The following FOXK1 variants were observed in gnomAD, a reference collection of about 807,000 sequenced individuals.
FOXK1 encodes forkhead box protein K1.
FOXK1 carries 19 observed loss-of-function variants against 51.9 expected under a neutral mutation model. The ratio of observed to expected loss-of-function variants is 0.37; its 90% CI spans 0.26 to 0.54. The LOEUF is 0.54. Among genes scored for constraint, FOXK1 ranks in the 20% least tolerant of loss-of-function variants. The pLI is 0.87. For missense variants in FOXK1, 870 were observed against 1,032.7 expected (o/e 0.84, Z 2.16); for synonymous variants, 537 against 482.6 (o/e 1.11, Z -1.48).
chr7:4,739,057 G>A (rs1172742223), intron 1 of FOXK1, among the ~76,000 whole-genome samples: 1 of 152,196 alleles, frequency 6.6e-6, no homozygotes, highest in Non-Finnish European at 1.5e-5. Context: ...AGAGCAAAGG[G>A]ACTTTCATAT....
chr7:4,755,225 GT>G lies in FOXK1; in HGVS notation c.904-9del. 6.2e-7 allele frequency: 1 copy of G among 1,613,142 alleles called. No individual in the cohort carries two copies. The highest frequency in any genetic ancestry group is 1.1e-5 in the South Asian group (1 of 91,070). ...TGCTGGAGCTCATCCCGTGAGCCGT[GT>G]TTCTCCGCAGGATGAGTCAAAGCCG... On this transcript the variant is annotated splice_polypyrimidine_tract_variant and intron_variant, in intron 3 of 8. Transcript: ENST00000328914. The surrounding 1 kb of genome is among the most constrained non-coding windows in gnomAD (Gnocchi z 6.6).
Position 4,756,844 on chromosome 7 carries a change from C to A in FOXK1, c.1051-150C>A. ...ACCTGCCCTGTGCCTCGGTGCTGCT[C>A]CCGTGAGGCCCAGCCAGCACAGCAC... On this transcript the variant is annotated intron_variant, in intron 4 of 8. Transcript: ENST00000328914. The surrounding 1 kb of genome is among the most constrained non-coding windows in gnomAD (Gnocchi z 4.1). 2.7e-6 allele frequency: 2 copies of A among 731,640 alleles called. No individual in the cohort carries two copies. Among genetic ancestry groups the A allele is most frequent in the East Asian group, 2.8e-5 (1 of 35,492 alleles). 45.3% of individuals were successfully genotyped at this position (731,640 alleles called of 1,614,324 possible).
chr7:4,724,385 C>T (rs1303706405), intron 1 of FOXK1, among the ~76,000 whole-genome samples: 3 of 151,968 alleles, frequency 2.0e-5, no homozygotes, highest in Non-Finnish European at 2.9e-5. Flanking sequence ...TTTGTAGAGA[C>T]GGATTTCACC....
In FOXK1 at chr7:4,707,034, T is replaced by C. The variant is rs545395887; in HGVS notation, c.560+24166T>C. Reference sequence around the variant, plus strand: ...CTAATTGAATTCCATTGCATTTTCTTCTTAAAATAAAAGACTAAAAACTAA... The same window carrying C: ...CTAATTGAATTCCATTGCATTTTCTCCTTAAAATAAAAGACTAAAAACTAA... On this transcript the variant is annotated intron_variant, in intron 1 of 8. Transcript: ENST00000328914. The surrounding 1 kb of genome is among the most constrained non-coding windows in gnomAD (Gnocchi z 4.1). Among the ~76,000 whole-genome samples, 58 of 152,378 alleles carry C rather than the reference T, an allele frequency of 3.8e-4. No individual in the cohort carries two copies. The highest frequency in any genetic ancestry group is 1.3e-3 in the African/African-American group (53 of 41,588).
chr7:4,685,154 G>A lies in FOXK1; in HGVS notation c.560+2286G>A, dbSNP rs896173659. On this transcript the variant is annotated intron_variant, in intron 1 of 8. Transcript: ENST00000328914. ...GCAATGTAAAATTTACAAGAACAAA[G>A]CAAATGTGCAGAAGGAAAAACATTA... 7.1e-4 allele frequency among the ~76,000 whole-genome samples: 106 copies of A among 149,592 alleles called. 1 individual carries two copies. The highest frequency in any genetic ancestry group is 2.4e-3 in the African/African-American group (99 of 40,756).
rs1421416386 is a variant in FOXK1 at position 4,722,814 on chromosome 7, C to T, written c.561-18024C>T. 2.0e-5 allele frequency among the ~76,000 whole-genome samples: 3 copies of T among 152,154 alleles called. No homozygotes were observed. Among genetic ancestry groups the T allele is most frequent in the Non-Finnish European group, 4.4e-5 (3 of 68,022 alleles). ...CTTGGCCACAGGCCTCCACAGCCCT[C>T]TGCTGTGTCTGTGCACCTTCTCCAT... On this transcript the variant is annotated intron_variant, in intron 1 of 8. Transcript: ENST00000328914. This position sits in a 1 kb window ranked among gnomAD's most constrained non-coding sequence, Gnocchi z 5.1.
chr7:4,757,332 T>C (rs1432937935), intron 5 of FOXK1, 145 bp downstream of exon 5: 8 of 739,836 alleles, frequency 1.1e-5, no homozygotes, highest in African/African-American at 5.4e-5. Flanking sequence ...GTCAAAAATA[T>C]TCCAAAAAAA....
intron 1 of FOXK1, among the ~76,000 whole-genome samples, chr7:4,720,933 C>T (rs1019129544): frequency 2.6e-5 from 4 of 151,158 alleles, no homozygotes; most frequent in African/African-American, 9.7e-5. Flanking sequence ...AAAAAAAAAA[C>T]TCAACACACG....
At chr7:4,694,510 CT>C (rs1211203151) in intron 1 of FOXK1, among the ~76,000 whole-genome samples, 1 of 152,156 alleles carries the variant, frequency 6.6e-6, no homozygotes, top group East Asian at 1.9e-4. Flanking sequence ...GGGAAAGGTC[CT>C]TACTGTTTTT....
In FOXK1 at chr7:4,682,657, C is replaced by G. The variant is rs751322767; in HGVS notation, c.349C>G (p.Leu117Val). Reference sequence around the variant, plus strand: ...GCTGGAGGGCCGCGAGTTCGAGTTCCTCATGCGCCAGCCCAGCGTCACCAT... The same window carrying G: ...GCTGGAGGGCCGCGAGTTCGAGTTCGTCATGCGCCAGCCCAGCGTCACCAT... ...ARLEGREFEF[L>V]MRQPSVTIGR... The change falls in exon 1 of 9, where the codon CTC (leucine) becomes GTC (valine). Residue 117 changes from leucine (L) to valine (V), a missense_variant. Leu to Val is a conservative substitution (Grantham distance 32, BLOSUM62 1). This residue lies in a region of FOXK1 where 399 missense variants were observed against 475.6 expected (regional missense o/e 0.84). Coordinates refer to ENST00000328914, the MANE Select transcript of FOXK1 (RefSeq NM_001037165.2). This position sits in a 1 kb window ranked among gnomAD's most constrained non-coding sequence, Gnocchi z 7.6. 2 of 1,578,330 alleles carry G rather than the reference C, an allele frequency of 1.3e-6. No homozygotes were observed. The highest frequency in any genetic ancestry group is 1.7e-6 in the Non-Finnish European group (2 of 1,169,182).
chr7:4,716,987 GC>G (rs1780242721), intron 1 of FOXK1, among the ~76,000 whole-genome samples: 1 of 151,776 alleles, frequency 6.6e-6, no homozygotes, highest in African/African-American at 2.4e-5. Context: ...GGAGGTGGTG[GC>G]TGGGAGGCGC....
rs897310728 is a variant in FOXK1, at chr7:4,749,808, G to A, written c.747-4651G>A. Among the ~76,000 whole-genome samples the A allele has an allele frequency of 2.0e-5, 3 of 152,358 alleles. No homozygotes were observed. The highest frequency in any genetic ancestry group is 6.5e-5 in the Admixed American group (1 of 15,310). ...TCTTAGGCTCTGGGGACGGAGCCCAGCTGGCGGCTCCAGAGGTGGCTTTAG... is the reference window on the plus strand; with the variant it reads ...TCTTAGGCTCTGGGGACGGAGCCCAACTGGCGGCTCCAGAGGTGGCTTTAG... On this transcript the variant is annotated intron_variant, in intron 2 of 8. Coordinates refer to ENST00000328914, the MANE Select transcript of FOXK1 (RefSeq NM_001037165.2). This position sits in a 1 kb window ranked among gnomAD's most constrained non-coding sequence, Gnocchi z 6.0.
chr7:4,713,617 G>T (rs1029791629), intron 1 of FOXK1, among the ~76,000 whole-genome samples: 2 of 147,416 alleles, frequency 1.4e-5, no homozygotes, highest in Non-Finnish European at 3.0e-5. Flanking sequence ...TTAGCCTCCC[G>T]AGTTGCTGGG....
intron 1 of FOXK1, among the ~76,000 whole-genome samples, chr7:4,688,830 C>CA (rs1299220462): frequency 1.3e-5 from 2 of 151,966 alleles, no homozygotes; most frequent in Admixed American, 1.3e-4. Flanking sequence ...CCATCAGACT[C>CA]AAGTGTTTTG....
rs1040769899 is a variant in FOXK1 at position 4,753,275 on chromosome 7, C to T, written c.747-1184C>T. On this transcript the variant is annotated intron_variant, in intron 2 of 8. Transcript: ENST00000328914. This position sits in a 1 kb window ranked among gnomAD's most constrained non-coding sequence, Gnocchi z 4.9. ...AAAAATGTTTCTTGAGCCCCGCCTGCACCCAAGGGGGCTCCTACTTAACCT... is the reference window on the plus strand; with the variant it reads ...AAAAATGTTTCTTGAGCCCCGCCTGTACCCAAGGGGGCTCCTACTTAACCT... 2.0e-5 allele frequency among the ~76,000 whole-genome samples: 3 copies of T among 152,234 alleles called. No individual in the cohort carries two copies. The highest frequency in any genetic ancestry group is 4.4e-5 in the Non-Finnish European group (3 of 68,048).
In FOXK1 at chr7:4,709,802, T is replaced by C. The variant is rs1780151809; in HGVS notation, c.560+26934T>C. Among the ~76,000 whole-genome samples the C allele has an allele frequency of 6.6e-6, 1 of 152,196 alleles. No individual in the cohort carries two copies. The highest frequency in any genetic ancestry group is 1.5e-5 in the Non-Finnish European group (1 of 68,040). On this transcript the variant is annotated intron_variant, in intron 1 of 8. Coordinates refer to ENST00000328914, the MANE Select transcript of FOXK1 (RefSeq NM_001037165.2). The surrounding 1 kb of genome is among the most constrained non-coding windows in gnomAD (Gnocchi z 5.6). Reference sequence around the variant, plus strand: ...GATGTGCTGTCCGTCTTCTCGCTGTTCAGCCAGCAGTTCACTGTCTGTAAA... The same window carrying C: ...GATGTGCTGTCCGTCTTCTCGCTGTCCAGCCAGCAGTTCACTGTCTGTAAA...
intron 2 of FOXK1, among the ~76,000 whole-genome samples, chr7:4,752,319 A>T (rs541371206): frequency 6.6e-6 from 1 of 151,936 alleles, no homozygotes; most frequent in African/African-American, 2.4e-5. Context: ...TAATGTTAAT[A>T]TTTTTGTAGA....
chr7:4,686,883 T>C (rs751764738), intron 1 of FOXK1, among the ~76,000 whole-genome samples: 2 of 151,720 alleles, frequency 1.3e-5, no homozygotes, highest in African/African-American at 2.4e-5. Context: ...GGTGTGTGTG[T>C]GCACATGTGT....
At chr7:4,713,038 C>A (rs2115042392) in intron 1 of FOXK1, among the ~76,000 whole-genome samples, 1 of 152,148 alleles carries the variant, frequency 6.6e-6, no homozygotes, top group East Asian at 1.9e-4. Flanking sequence ...CTTCCTGGCC[C>A]CCTTAGGCCG....
Sources: gnomAD v4.1 joint callset for allele counts (sites outside exome capture counted in the v4.1 genomes callset) on GRCh38, gnomAD v4.1.1 for gene constraint, gnomAD v4.1.1 regional missense constraint, Gnocchi (gnomAD v3.1) non-coding constraint, MANE v1.5 for transcripts, NCBI Gene and HGNC (gene_info 2026-07-23, HGNC 2026-07-21) for gene names.